TEX2: variants seen among roughly 807,000 people sequenced by gnomAD.
TEX2 encodes testis-expressed protein 2.
In TEX2, 53 loss-of-function variants were observed where a neutral mutation model predicts 106.9. The ratio of observed to expected loss-of-function variants is 0.50; its 90% CI spans 0.40 to 0.62. TEX2 has a LOEUF of 0.62. TEX2 is among the 20% of genes least tolerant of loss of function. The pLI is 0.00. For missense variants in TEX2, 1,207 were observed against 1,379.0 expected (o/e 0.88, Z 1.98); for synonymous variants, 523 against 534.8 (o/e 0.98, Z 0.30).
chr17:64,178,211 T>C (rs2031692721), intron 5 of TEX2, among the ~76,000 whole-genome samples: 2 of 152,090 alleles, frequency 1.3e-5, no homozygotes, highest in African/African-American at 2.4e-5. Flanking sequence ...ATGTGTGAGG[T>C]GGGGGAGAAA....
chr17:64,243,516 A>G (rs540925059), intron 1 of TEX2, among the ~76,000 whole-genome samples: 30 of 152,322 alleles, frequency 2.0e-4, no homozygotes, highest in African/African-American at 6.5e-4. Context: ...CAGGCTGTAC[A>G]AGTCTCAAAA....
At chr17:64,193,417 C>G in intron 4 of TEX2, 142 bp downstream of exon 4, 1 of 608,056 alleles carries the variant, frequency 1.6e-6, no homozygotes, top group Non-Finnish European at 2.6e-6. Flanking sequence ...GTAAATGAGT[C>G]ATGAGAATGC....
At chr17:64,174,152 G>A (rs1050107551) in intron 6 of TEX2, among the ~76,000 whole-genome samples, 3 of 152,144 alleles carry the variant, frequency 2.0e-5, no homozygotes, top group African/African-American at 7.2e-5. Flanking sequence ...GACATCCAAC[G>A]GTGTTTCTAT....
intron 7 of TEX2, among the ~76,000 whole-genome samples, chr17:64,166,872 G>A (rs1378190998): frequency 6.6e-6 from 1 of 152,204 alleles, no homozygotes; most frequent in African/African-American, 2.4e-5. Context: ...TAGGGATGAG[G>A]GCTGGGTAGA....
chr17:64,232,040 AG>A (rs1339876446), intron 1 of TEX2, among the ~76,000 whole-genome samples: 3 of 152,190 alleles, frequency 2.0e-5, no homozygotes, highest in Non-Finnish European at 4.4e-5. Flanking sequence ...GTCTGACTTT[AG>A]GTTTAGTTCA....
intron 1 of TEX2, among the ~76,000 whole-genome samples, chr17:64,233,699 C>T (rs1285945836): frequency 6.6e-6 from 1 of 152,192 alleles, no homozygotes; most frequent in South Asian, 2.1e-4. Flanking sequence ...ATAGTCTACA[C>T]CTACCTTGCA....
Position 64,212,601 on chromosome 17 carries a change from CAG to C in TEX2, c.1615_1616del (p.Leu539GlyfsTer6). The C allele has an allele frequency of 6.2e-7, 1 of 1,613,968 alleles. No individual in the cohort carries two copies. Among genetic ancestry groups the C allele is most frequent in the Non-Finnish European group, 8.5e-7 (1 of 1,179,908 alleles). On this transcript the variant is annotated frameshift_variant, in exon 2 of 12. Transcript: ENST00000584379. LOFTEE classifies it high-confidence loss of function. ...KNLRHWNTRS[L>X]DIKEPEILKG... The stretch of plus-strand genomic sequence containing the variant: ...TCAGTATTTCAGGTTCTTTGATATC[CAG>C]AGATCTTGTGTTCCAGTGTCGCAGA...
At chr17:64,197,186 G>A (rs28842012) in intron 2 of TEX2, among the ~76,000 whole-genome samples, 1,630 of 151,938 alleles carry the variant, frequency 0.011, 27 homozygotes, top group African/African-American at 0.036. Context: ...GGAAGTTTGT[G>A]TAGAATTAAT....
At chr17:64,203,223 G>C (rs1555630324) in intron 2 of TEX2, among the ~76,000 whole-genome samples, 1 of 152,214 alleles carries the variant, frequency 6.6e-6, no homozygotes, top group African/African-American at 2.4e-5. Context: ...TTCAGGCACT[G>C]TGTGCCTGGC....
intron 1 of TEX2, among the ~76,000 whole-genome samples, chr17:64,224,594 G>C (rs868945747): frequency 1.1e-5 from 1 of 90,848 alleles, no homozygotes; most frequent in Non-Finnish European, 2.9e-5. Flanking sequence ...TTTCCCATTA[G>C]TTGTTAGGTT....
intron 1 of TEX2, among the ~76,000 whole-genome samples, chr17:64,244,212 C>A (rs1284406584): frequency 1.3e-5 from 2 of 152,106 alleles, no homozygotes; most frequent in Non-Finnish European, 2.9e-5. Flanking sequence ...AGCTGGGAGC[C>A]ACTTGGGGTC....
At chr17:64,172,938 T>C (rs2031471942) in intron 6 of TEX2, among the ~76,000 whole-genome samples, 1 of 152,212 alleles carries the variant, frequency 6.6e-6, no homozygotes, top group African/African-American at 2.4e-5. Flanking sequence ...AATTCATCTA[T>C]ATTTTCTCTG....
intron 3 of TEX2, among the ~76,000 whole-genome samples, chr17:64,194,130 T>C (rs2032388817): frequency 6.6e-6 from 1 of 152,194 alleles, no homozygotes. Flanking sequence ...GTTATAAATA[T>C]CCGTAATTTT....
intron 2 of TEX2, 145 bp downstream of exon 2, chr17:64,212,429 G>A (rs1331177553): frequency 1.7e-5 from 12 of 713,206 alleles, no homozygotes; most frequent in Non-Finnish European, 2.9e-5. Context: ...TTGACTGGGT[G>A]CCTGGAGAAT....
intron 7 of TEX2, among the ~76,000 whole-genome samples, chr17:64,165,736 C>G (rs767167008): frequency 6.6e-6 from 1 of 151,976 alleles, no homozygotes; most frequent in Non-Finnish European, 1.5e-5. Flanking sequence ...CTGGTAGGAT[C>G]CAGTCTGGAA....
chr17:64,259,305 T>C (rs1183188876), intron 1 of TEX2, among the ~76,000 whole-genome samples: 1 of 152,214 alleles, frequency 6.6e-6, no homozygotes, highest in Non-Finnish European at 1.5e-5. Flanking sequence ...TTAATGGTGC[T>C]TCATGGACAT....
rs1598107781 is a variant in TEX2 at position 64,148,881 on chromosome 17, A to G, written c.*88T>C. 4 of 1,501,582 alleles carry G rather than the reference A, an allele frequency of 2.7e-6. 1 individual carries two copies. The East Asian group carries it at 9.2e-5, about 35-fold the overall frequency. 93.0% of individuals were successfully genotyped at this position (1,501,582 alleles called of 1,614,324 possible). A position where few individuals can be genotyped will look rare whatever the true frequency, so the allele number is the denominator to read the frequency against. The stretch of plus-strand genomic sequence containing the variant: ...CTTTAAGAAACAGTAGCTGTGGCAC[A>G]GAGGCCAGTGCTACAGTACAGATGG... On this transcript the variant is annotated 3_prime_UTR_variant, in exon 12 of 12. Coordinates refer to ENST00000584379, the MANE Select transcript of TEX2 (RefSeq NM_001288732.2).
At position 64,188,571 on chromosome 17, in the gene TEX2, C is replaced by T. The variant is rs566050720; in HGVS notation, c.2177-156G>A. On this transcript the variant is annotated intron_variant, in intron 4 of 11. Transcript: ENST00000584379. The stretch of plus-strand genomic sequence containing the variant: ...GTGGCTCACGCCTGTAATCCCAGCA[C>T]TTTGAGAGGCCGAGGCGGGCGGATC... The T allele has an allele frequency of 1.8e-5, 22 of 1,202,174 alleles. No homozygotes were observed. In the East Asian group the frequency reaches 3.3e-4, roughly 18 times the overall value. 74.5% of individuals were successfully genotyped at this position (1,202,174 alleles called of 1,614,324 possible).
At chr17:64,227,914 T>C (rs2033551522) in intron 1 of TEX2, among the ~76,000 whole-genome samples, 1 of 152,258 alleles carries the variant, frequency 6.6e-6, no homozygotes, top group South Asian at 2.1e-4. Context: ...AAGCATTTTC[T>C]CAAATCAAAG....
Sources: allele counts gnomAD v4.1 joint callset (sites outside exome capture counted in the v4.1 genomes callset), GRCh38; gene constraint gnomAD v4.1.1; transcripts MANE v1.5; gene names NCBI Gene and HGNC (gene_info 2026-07-23, HGNC 2026-07-21).